Variants in RASSF6 observed in about 807,000 individuals in gnomAD.
RASSF6 encodes the protein ras association domain-containing protein 6.
A neutral mutation model predicts 44.0 loss-of-function variants in RASSF6; 52 were observed. The ratio of observed to expected loss-of-function variants is 1.18; its 90% CI spans 0.95 to 1.49. RASSF6 has a LOEUF of 1.49. RASSF6 is among the 40% of genes most tolerant of loss of function. The probability of loss-of-function intolerance (pLI) is 0.00; values close to 1 mark genes in which losing one functional copy is unlikely to be tolerated. For missense variants in RASSF6, 464 were observed against 393.3 expected (o/e 1.18, Z -1.52); for synonymous variants, 162 against 124.6 (o/e 1.30, Z -2.00).
rs1201564654 is a variant in RASSF6 at position 73,611,754 on chromosome 4, A to G, written c.42T>C (p.Ile14=). Residue 14 remains isoleucine, a synonymous_variant, in exon 2 of 11, where the codon ATT becomes ATC. Transcript: ENST00000307439. ...MAHQYPSWIF[I]NEKTFITREQ... ...ACCTGGTTATGAATGTCTTCTCATT[A>G]ATGAAGATCCAAGAGGGGTACTGGT... is the stretch of plus-strand genomic sequence containing the variant. 6.2e-7 allele frequency: 1 copy of G among 1,608,918 alleles called. No individual in the cohort carries two copies. Among genetic ancestry groups the G allele is most frequent in the Non-Finnish European group, 8.5e-7 (1 of 1,175,808 alleles).
upstream of RASSF6, chr4:73,620,473 G>A: frequency 6.5e-7 from 1 of 1,546,754 alleles, no homozygotes; most frequent in Non-Finnish European, 8.7e-7. Flanking sequence ...GCGGGCGCAG[G>A]GGCGGCGCCT....
At chr4:73,602,849 G>A (rs1022400288) in intron 2 of RASSF6, among the ~76,000 whole-genome samples, 23 of 152,200 alleles carry the variant, frequency 1.5e-4, no homozygotes, top group African/African-American at 4.3e-4. Flanking sequence ...AGTACTTTGG[G>A]AGGCCAAGAT....
intron 2 of RASSF6, among the ~76,000 whole-genome samples, chr4:73,608,621 C>T (rs1192607601): frequency 3.9e-5 from 6 of 152,238 alleles, no homozygotes; most frequent in East Asian, 3.9e-4. Flanking sequence ...CCTAAATATG[C>T]GATTAAAATC....
At chr4:73,610,884 A>C (rs2149396756) in intron 2 of RASSF6, among the ~76,000 whole-genome samples, 1 of 152,338 alleles carries the variant, frequency 6.6e-6, no homozygotes, top group East Asian at 1.9e-4. Context: ...ACACCTGCTC[A>C]CAGTGAGTAA....
At chr4:73,597,791 A>G (rs2149384628) in intron 3 of RASSF6, among the ~76,000 whole-genome samples, 1 of 152,372 alleles carries the variant, frequency 6.6e-6, no homozygotes, top group Admixed American at 6.5e-5. Flanking sequence ...CTATGCAGCC[A>G]TAAAAAAGAA....
At chr4:73,582,410 G>A (rs1028265424) in intron 6 of RASSF6, 120 bp from the exon 7 acceptor site, 5 of 463,152 alleles carry the variant, frequency 1.1e-5, no homozygotes, top group African/African-American at 1.1e-4. Context: ...TAAAAAATTT[G>A]TTTTGTTTTT....
chr4:73,620,243 C>A, intron 1 of RASSF6, 45 bp downstream of exon 1: 2 of 1,282,096 alleles, frequency 1.6e-6, no homozygotes, highest in Middle Eastern at 2.6e-4. Flanking sequence ...AACATGACCC[C>A]AGGGAGTGGA....
rs1723195637 is a variant in RASSF6, at chr4:73,576,173, A to G, written c.*62T>C. 5.7e-6 allele frequency: 5 copies of G among 880,476 alleles called. No individual in the cohort carries two copies. The highest frequency in any genetic ancestry group is 2.4e-5 in the East Asian group (1 of 40,996). The allele number at this position is 880,476 out of a possible 1,614,324, so 54.5% of individuals were successfully genotyped here. On this transcript the variant is annotated 3_prime_UTR_variant, in exon 11 of 11. Transcript: ENST00000307439. Reference sequence around the variant, plus strand: ...ATAAATGCAAGTACAGAACTTATGCATTCATCAAAGAGTAATATCTCTGAG... The same window carrying G: ...ATAAATGCAAGTACAGAACTTATGCGTTCATCAAAGAGTAATATCTCTGAG...
At position 73,576,162 on chromosome 4, in the gene RASSF6, A is replaced by G. The variant is rs138666073; in HGVS notation, c.*73T>C. 4,522 of 782,040 alleles carry G rather than the reference A, an allele frequency of 5.8e-3. 24 individuals are homozygous for G. Among genetic ancestry groups the G allele is most frequent in the Non-Finnish European group, 7.0e-3 (3,341 of 477,872 alleles). 48.4% of individuals were successfully genotyped at this position (782,040 alleles called of 1,614,324 possible). On this transcript the variant is annotated 3_prime_UTR_variant, in exon 11 of 11. Transcript: ENST00000307439. ...TATATGTTCGTATAAATGCAAGTACAGAACTTATGCATTCATCAAAGAGTA... is the reference window on the plus strand; with the variant it reads ...TATATGTTCGTATAAATGCAAGTACGGAACTTATGCATTCATCAAAGAGTA...
intron 8 of RASSF6, among the ~76,000 whole-genome samples, chr4:73,578,417 A>G (rs894430461): frequency 2.6e-5 from 4 of 152,006 alleles, no homozygotes; most frequent in African/African-American, 9.7e-5. Flanking sequence ...CTTTTTTTAA[A>G]CTTAAAAAAA....
intron 5 of RASSF6, 67 bp from the exon 6 acceptor site, chr4:73,585,431 G>T (rs2149371151): frequency 9.4e-7 from 1 of 1,067,408 alleles, no homozygotes; most frequent in Non-Finnish European, 1.3e-6. Context: ...GAGTGGATTT[G>T]TGTATGCTTT....
intron 8 of RASSF6, among the ~76,000 whole-genome samples, chr4:73,579,482 G>A (rs546625521): frequency 1.3e-5 from 2 of 152,300 alleles, no homozygotes; most frequent in African/African-American, 4.8e-5. Flanking sequence ...TCTGAGAAGT[G>A]CAAGATAATA....
At position 73,579,246 on chromosome 4, in the gene RASSF6, T is replaced by C. The variant is rs114990046; in HGVS notation, c.722-2515A>G. 3.9e-3 allele frequency among the ~76,000 whole-genome samples: 601 copies of C among 152,224 alleles called. 4 individuals are homozygous for C. Among genetic ancestry groups the C allele is most frequent in the African/African-American group, 0.014 (578 of 41,524 alleles). On this transcript the variant is annotated intron_variant, in intron 8 of 10. Coordinates refer to ENST00000307439, the MANE Select transcript of RASSF6 (RefSeq NM_177532.5). ...TTTAGCTTTTTGTCCTTATAAACAGTGTTACACATAAATCTGTAGGCACTA... is the reference window on the plus strand; with the variant it reads ...TTTAGCTTTTTGTCCTTATAAACAGCGTTACACATAAATCTGTAGGCACTA...
chr4:73,605,647 T>C (rs1032754472), intron 2 of RASSF6, among the ~76,000 whole-genome samples: 1 of 152,240 alleles, frequency 6.6e-6, no homozygotes, highest in African/African-American at 2.4e-5. Flanking sequence ...CTGAGAAATT[T>C]GTGGAGAAGT....
At position 73,576,511 on chromosome 4, in the gene RASSF6, A is replaced by C. The variant is rs187214996; in HGVS notation, c.841-4T>G. 1.9e-6 allele frequency: 3 copies of C among 1,561,130 alleles called. No homozygotes were observed. Among genetic ancestry groups the C allele is most frequent in the Non-Finnish European group, 1.7e-6 (2 of 1,151,358 alleles). ...GAAAGTTAATGTACTGAGCCACCTA[A>C]GAAAGAAGAAGAAGAAAAAAAAAAG... On this transcript the variant is annotated splice_polypyrimidine_tract_variant and splice_region_variant and intron_variant, in intron 9 of 10. Coordinates refer to ENST00000307439, the MANE Select transcript of RASSF6 (RefSeq NM_177532.5).
chr4:73,612,246 G>A (rs953769384), intron 1 of RASSF6, among the ~76,000 whole-genome samples: 3 of 152,112 alleles, frequency 2.0e-5, no homozygotes, highest in African/African-American at 4.8e-5. Flanking sequence ...TAGGTATGAT[G>A]TAATATTTTT....
At chr4:73,608,721 A>G (rs1725813559) in intron 2 of RASSF6, among the ~76,000 whole-genome samples, 1 of 152,246 alleles carries the variant, frequency 6.6e-6, no homozygotes, top group Admixed American at 6.5e-5. Flanking sequence ...ACAGGTATTC[A>G]GCGTTCTTCA....
chr4:73,611,449 C>T (rs962437235), intron 2 of RASSF6, among the ~76,000 whole-genome samples: 3 of 152,198 alleles, frequency 2.0e-5, no homozygotes, highest in Non-Finnish European at 4.4e-5. Context: ...AGCCTTAGAT[C>T]TTTCACCTAA....
chr4:73,578,014 C>A (rs1017130908), intron 8 of RASSF6, among the ~76,000 whole-genome samples: 1 of 1,450 alleles, frequency 6.9e-4, no homozygotes, highest in Non-Finnish European at 1.9e-3. Context: ...CAAACAGGAG[C>A]CATATGCTCT....
Sources: gnomAD v4.1 joint callset for allele counts (sites outside exome capture counted in the v4.1 genomes callset) on GRCh38, gnomAD v4.1.1 for gene constraint, MANE v1.5 for transcripts, NCBI Gene and HGNC (gene_info 2026-07-23, HGNC 2026-07-21) for gene names.